IGF1R: variants seen among roughly 807,000 people sequenced by gnomAD.
IGF1R encodes the protein insulin like growth factor 1 receptor.
Under a neutral mutation model 144.6 loss-of-function variants are expected in IGF1R, and 44 were observed. The observed-to-expected ratio is 0.30, with a 90% CI of 0.24 to 0.39. IGF1R has a LOEUF of 0.39. IGF1R is among the 10% of genes least tolerant of loss of function. The pLI is 1.00. For synonymous variants in IGF1R, 795 were observed against 722.8 expected (o/e 1.10, Z -1.60); for missense variants, 1,355 against 1,833.7 (o/e 0.74, Z 4.77).
chr15:98,918,889 A>G (rs2015365539), intron 10 of IGF1R, among the ~76,000 whole-genome samples: 2 of 151,990 alleles, frequency 1.3e-5, no homozygotes, highest in African/African-American at 2.4e-5. Context: ...AAGAAAAAAA[A>G]AACACCAGAG....
Position 98,913,257 on chromosome 15 carries a change from C to T in IGF1R, c.1803C>T (p.Ile601=). The change falls in exon 8 of 21, where the codon ATC becomes ATT. Residue 601 remains isoleucine (I), a synonymous_variant. Transcript: ENST00000650285. ...ATATCCGTGGGGCCAAGAGTGAGAT[C>T]TTGTACATTCGCACCAATGCTTCAG... is the stretch of plus-strand genomic sequence containing the variant. ...NDHIRGAKSE[I]LYIRTNASVP... The T allele has an allele frequency of 6.2e-7, 1 of 1,614,006 alleles. No homozygotes were observed. Among genetic ancestry groups the T allele is most frequent in the Non-Finnish European group, 8.5e-7 (1 of 1,179,868 alleles).
Position 98,962,144 on chromosome 15 carries a change from G to A in IGF1R, c.*4702G>A, listed in dbSNP as rs1173990522. 1 of 233,196 alleles carries A rather than the reference G, an allele frequency of 4.3e-6. No individual in the cohort carries two copies. Among genetic ancestry groups the A allele is most frequent in the Admixed American group, 5.6e-5 (1 of 17,782 alleles). 14.4% of individuals were successfully genotyped at this position (233,196 alleles called of 1,614,324 possible). ...CACACTGAGATCGATGGGTGAGAAGGCTAGGATGCTTGTCTAGTGTTCTTA... is the reference window on the plus strand; with the variant it reads ...CACACTGAGATCGATGGGTGAGAAGACTAGGATGCTTGTCTAGTGTTCTTA... On this transcript the variant is annotated 3_prime_UTR_variant, in exon 21 of 21. Coordinates refer to ENST00000650285, the MANE Select transcript of IGF1R (RefSeq NM_000875.5).
intron 2 of IGF1R, among the ~76,000 whole-genome samples, chr15:98,852,382 C>T (rs1047969195): frequency 6.6e-6 from 1 of 152,202 alleles, no homozygotes; most frequent in Non-Finnish European, 1.5e-5. Context: ...AGGTTGTTTA[C>T]TACTTTCCAC....
intron 15 of IGF1R, among the ~76,000 whole-genome samples, chr15:98,931,125 A>G (rs1228052528): frequency 1.3e-5 from 2 of 152,216 alleles, no homozygotes; most frequent in Non-Finnish European, 2.9e-5. Context: ...GTGCAGGCTC[A>G]CATGGTTAGA....
chr15:98,804,832 C>T (rs1164750771), intron 2 of IGF1R, among the ~76,000 whole-genome samples: 3 of 152,192 alleles, frequency 2.0e-5, no homozygotes, highest in African/African-American at 7.2e-5. Flanking sequence ...GTAGCTGGAA[C>T]TGCAGGCGTG....
At chr15:98,827,992 G>A (rs2141493665) in intron 2 of IGF1R, among the ~76,000 whole-genome samples, 1 of 152,342 alleles carries the variant, frequency 6.6e-6, no homozygotes, top group Non-Finnish European at 1.5e-5. Flanking sequence ...CAGTCAGATA[G>A]TGAGTTCCTA....
intron 2 of IGF1R, among the ~76,000 whole-genome samples, chr15:98,878,952 T>C (rs2013224690): frequency 6.6e-6 from 1 of 151,822 alleles, no homozygotes; most frequent in African/African-American, 2.4e-5. Context: ...GCCGAAATTG[T>C]GCCATTGCAC....
intron 11 of IGF1R, 123 bp from the exon 12 acceptor site, chr15:98,923,753 G>T: frequency 1.3e-6 from 1 of 795,418 alleles, no homozygotes; most frequent in Non-Finnish European, 2.2e-6. Context: ...TATTCTCAGT[G>T]TACGTGGCTG....
At position 98,796,629 on chromosome 15, in the gene IGF1R, A is replaced by G. The variant is rs147621055; in HGVS notation, c.640+88522A>G. 7.0e-3 allele frequency among the ~76,000 whole-genome samples: 1,065 copies of G among 152,266 alleles called. 4 individuals carry two copies. The highest frequency in any genetic ancestry group is 0.017 in the South Asian group (84 of 4,826). On this transcript the variant is annotated intron_variant, in intron 2 of 20. Coordinates refer to ENST00000650285, the MANE Select transcript of IGF1R (RefSeq NM_000875.5). ...GCGTAGCTGATGGGGTCTCCTGACTAGTGATTGGTGATTTTAATCTGGATT... is the reference window on the plus strand; with the variant it reads ...GCGTAGCTGATGGGGTCTCCTGACTGGTGATTGGTGATTTTAATCTGGATT...
chr15:98,687,508 G>A (rs955120385), intron 1 of IGF1R, among the ~76,000 whole-genome samples: 2 of 152,230 alleles, frequency 1.3e-5, no homozygotes. Context: ...GCCATTTCAA[G>A]GAGGTTGGAT....
chr15:98,880,903 A>T (rs1405682663), intron 2 of IGF1R: 1 of 152,260 alleles, frequency 6.6e-6, no homozygotes, highest in Non-Finnish European at 1.5e-5. Context: ...CAGGAGACAG[A>T]ACAACAAGAC....
At position 98,759,520 on chromosome 15, in the gene IGF1R, G is replaced by C. The variant is rs986700334; in HGVS notation, c.640+51413G>C. Among the ~76,000 whole-genome samples the C allele has an allele frequency of 3.3e-5, 5 of 152,240 alleles. No individual in the cohort carries two copies. In the South Asian group the frequency reaches 1.0e-3, roughly 31 times the overall value. ...CAGGGGGTCTGTTTGATGAACACAT[G>C]TATTATTGCAGTGAGATACTCTAGA... is the stretch of plus-strand genomic sequence containing the variant. On this transcript the variant is annotated intron_variant, in intron 2 of 20. Coordinates refer to ENST00000650285, the MANE Select transcript of IGF1R (RefSeq NM_000875.5).
At position 98,733,219 on chromosome 15, in the gene IGF1R, T is replaced by C. The variant is rs554324300; in HGVS notation, c.640+25112T>C. On this transcript the variant is annotated intron_variant, in intron 2 of 20. Transcript: ENST00000650285. ...GGGTTGTTTTGAAGGGCTCAGGTTC[T>C]TCCTGGGCTTTTTTGGGACAGTCTT... 8.5e-5 allele frequency among the ~76,000 whole-genome samples: 13 copies of C among 152,254 alleles called. No homozygotes were observed. The South Asian group carries it at 2.3e-3, about 27-fold the overall frequency.
At chr15:98,883,661 A>C (rs2013492253) in intron 2 of IGF1R, among the ~76,000 whole-genome samples, 1 of 152,184 alleles carries the variant, frequency 6.6e-6, no homozygotes, top group Non-Finnish European at 1.5e-5. Context: ...CTGTCAGCTG[A>C]GTGGACTCAG....
intron 2 of IGF1R, among the ~76,000 whole-genome samples, chr15:98,731,882 G>A (rs762010673): frequency 6.6e-6 from 1 of 152,206 alleles, no homozygotes; most frequent in East Asian, 1.9e-4. Context: ...TTGGTGCTGC[G>A]TGTTGACTGG....
chr15:98,707,404 C>A lies in IGF1R; in HGVS notation c.95-158C>A, dbSNP rs2053891792. 1.3e-5 allele frequency among the ~76,000 whole-genome samples: 2 copies of A among 152,326 alleles called. No homozygotes were observed. The highest frequency in any genetic ancestry group is 4.1e-4 in the South Asian group (2 of 4,830). On this transcript the variant is annotated intron_variant, in intron 1 of 20. Transcript: ENST00000650285. This position sits in a 1 kb window ranked among gnomAD's most constrained non-coding sequence, Gnocchi z 6.7. ...CCAGCTAACTGGTTAGCCACCTAAA[C>A]TGTCAGTCTGCAACCCACAGCTCTG... is the stretch of plus-strand genomic sequence containing the variant.
intron 2 of IGF1R, among the ~76,000 whole-genome samples, chr15:98,865,153 A>G (rs2012361387): frequency 6.6e-6 from 1 of 152,170 alleles, no homozygotes; most frequent in Non-Finnish European, 1.5e-5. Context: ...CTAAGTATAT[A>G]CTATATAGCT....
At chr15:98,764,679 A>G (rs2055392069) in intron 2 of IGF1R, among the ~76,000 whole-genome samples, 1 of 152,188 alleles carries the variant, frequency 6.6e-6, no homozygotes, top group African/African-American at 2.4e-5. Flanking sequence ...GTCTTCGAAT[A>G]ATTCTTTTAT....
In IGF1R at chr15:98,802,933, T is replaced by G. The variant is rs2056391905; in HGVS notation, c.641-88392T>G. ...TGTTCTACTGGTAATTGTTTCCATT[T>G]TAGGTTGACACCGAACTAATGATAT... On this transcript the variant is annotated intron_variant, in intron 2 of 20. Coordinates refer to ENST00000650285, the MANE Select transcript of IGF1R (RefSeq NM_000875.5). 2.0e-5 allele frequency among the ~76,000 whole-genome samples: 3 copies of G among 152,242 alleles called. No homozygotes were observed. The South Asian group carries it at 6.2e-4, about 31-fold the overall frequency.
Sources: gnomAD v4.1 joint callset for allele counts (sites outside exome capture counted in the v4.1 genomes callset) on GRCh38, gnomAD v4.1.1 for gene constraint, Gnocchi (gnomAD v3.1) non-coding constraint, MANE v1.5 for transcripts, NCBI Gene and HGNC (gene_info 2026-07-23, HGNC 2026-07-21) for gene names.